The following HOMER1 variants were observed in gnomAD, a reference collection of about 807,000 sequenced individuals.
HOMER1 encodes the protein homer protein homolog 1.
A neutral mutation model predicts 48.9 loss-of-function variants in HOMER1; 3 were observed. The ratio of observed to expected loss-of-function variants is 0.06; its 90% confidence interval spans 0.03 to 0.16. The LOEUF (loss-of-function observed/expected upper bound fraction) is 0.16, where lower values mean the gene tolerates loss of function less well. Ranked by LOEUF, HOMER1 falls within the 10% of genes least tolerant of loss-of-function variation. The probability of loss-of-function intolerance (pLI) is 1.00; values close to 1 mark genes in which losing one functional copy is unlikely to be tolerated. For synonymous variants in HOMER1, 134 were observed against 146.4 expected (o/e 0.92, Z 0.61); for missense variants, 247 against 411.4 (o/e 0.60, Z 3.46).
chr5:79,497,631 C>T (rs529143430), intron 1 of HOMER1, among the ~76,000 whole-genome samples: 1 of 149,346 alleles, frequency 6.7e-6, no homozygotes, highest in Non-Finnish European at 1.5e-5. Context: ...TGTACTGCAG[C>T]CCAGGAGACA....
chr5:79,501,634 A>T (rs943104374), intron 1 of HOMER1, among the ~76,000 whole-genome samples: 2 of 152,244 alleles, frequency 1.3e-5, no homozygotes, highest in African/African-American at 2.4e-5. Flanking sequence ...AAGTCGTTGT[A>T]AACTACTATA....
chr5:79,487,271 C>A (rs1752134215), intron 1 of HOMER1, among the ~76,000 whole-genome samples: 1 of 151,778 alleles, frequency 6.6e-6, no homozygotes, highest in Non-Finnish European at 1.5e-5. Flanking sequence ...GAGTGAAACT[C>A]CATCTCAAAA....
chr5:79,405,980 T>A (rs912276270), intron 5 of HOMER1, among the ~76,000 whole-genome samples: 6 of 152,192 alleles, frequency 3.9e-5, no homozygotes, highest in African/African-American at 1.4e-4. Context: ...TAAAACACTG[T>A]AGACCTGGAA....
chr5:79,495,247 A>G (rs1254478645), intron 1 of HOMER1, among the ~76,000 whole-genome samples: 3 of 152,060 alleles, frequency 2.0e-5, no homozygotes, highest in Non-Finnish European at 2.9e-5. Context: ...TTCTAGTCAC[A>G]TCTCCCTTAA....
chr5:79,421,609 CTTT>C (rs548883268), intron 5 of HOMER1, among the ~76,000 whole-genome samples: 1 of 142,972 alleles, frequency 7.0e-6, no homozygotes. Flanking sequence ...TGTTATTTTT[CTTT>C]TTTTTTTTTT....
intron 1 of HOMER1, among the ~76,000 whole-genome samples, chr5:79,487,567 G>C (rs1297335649): frequency 1.3e-5 from 2 of 152,090 alleles, no homozygotes; most frequent in African/African-American, 4.8e-5. Context: ...GCCAAATAAA[G>C]ATTGTGAAAA....
chr5:79,493,183 G>A (rs1157019550), intron 1 of HOMER1, among the ~76,000 whole-genome samples: 1 of 152,108 alleles, frequency 6.6e-6, no homozygotes. Context: ...CTCCCAAAGT[G>A]CTGGGATTAC....
chr5:79,440,000 G>A (rs1414912369), intron 4 of HOMER1, among the ~76,000 whole-genome samples: 1 of 152,092 alleles, frequency 6.6e-6, no homozygotes, highest in Non-Finnish European at 1.5e-5. Context: ...AAACCAGACT[G>A]TTAAAGAGCA....
At chr5:79,377,258 G>C (rs550396638) in intron 8 of HOMER1, among the ~76,000 whole-genome samples, 2 of 152,030 alleles carry the variant, frequency 1.3e-5, no homozygotes, top group South Asian at 2.1e-4. Flanking sequence ...GAGCCACCCC[G>C]CCTGGCCTAT....
At position 79,398,597 on chromosome 5, in the gene HOMER1, T is replaced by C. The variant is rs1403647181; in HGVS notation, c.685-960A>G. On this transcript the variant is annotated intron_variant, in intron 6 of 8. Transcript: ENST00000334082. The stretch of plus-strand genomic sequence containing the variant: ...ACCAACAGCCTCCCAGTGGACTTAA[T>C]TATAATCTTTTTTTTGTCTATTCTG... 2.0e-5 allele frequency among the ~76,000 whole-genome samples: 3 copies of C among 152,142 alleles called. No homozygotes were observed. The East Asian group carries it at 5.8e-4, about 29-fold the overall frequency.
Position 79,499,969 on chromosome 5 carries a change from T to C in HOMER1, c.5+12801A>G, listed in dbSNP as rs148601650. Among the ~76,000 whole-genome samples, 32 of 152,218 alleles carry C rather than the reference T, an allele frequency of 2.1e-4. 1 individual carries two copies. The East Asian group carries it at 6.0e-3, about 28-fold the overall frequency. ...CGAGACCCATATGAAGTGCCACTAGTGATGCTGGAAGTGCTCCCAAGAAGC... is the reference window on the plus strand; with the variant it reads ...CGAGACCCATATGAAGTGCCACTAGCGATGCTGGAAGTGCTCCCAAGAAGC... On this transcript the variant is annotated intron_variant, in intron 1 of 8. Coordinates refer to ENST00000334082, the MANE Select transcript of HOMER1 (RefSeq NM_004272.5).
Position 79,375,054 on chromosome 5 carries a change from T to G in HOMER1, c.*955A>C, listed in dbSNP as rs1232457850. ...TTATCTATAATAAACAGTTCCCCAA[T>G]AACCATTATTATTCGTAAATTGAAA... is the stretch of plus-strand genomic sequence containing the variant. On this transcript the variant is annotated 3_prime_UTR_variant, in exon 9 of 9. Coordinates refer to ENST00000334082, the MANE Select transcript of HOMER1 (RefSeq NM_004272.5). 6.6e-6 allele frequency: 1 copy of G among 152,062 alleles called. No homozygotes were observed. The highest frequency in any genetic ancestry group is 1.5e-5 in the Non-Finnish European group (1 of 67,934). The allele number at this position is 152,062 out of a possible 1,614,324, so 9.4% of individuals were successfully genotyped here.
At chr5:79,501,371 T>C (rs1309865446) in intron 1 of HOMER1, among the ~76,000 whole-genome samples, 1 of 152,228 alleles carries the variant, frequency 6.6e-6, no homozygotes, top group Admixed American at 6.5e-5. Flanking sequence ...CAACTGTTTA[T>C]GTTATTGATA....
rs1751199082 is a variant in HOMER1, at chr5:79,457,225, G to A, written c.6-207C>T. On this transcript the variant is annotated intron_variant, in intron 1 of 8. Transcript: ENST00000334082. ...ATAGTCAATCCTCATTATTTGAAGA[G>A]TCTGTACATGTGAATTCACCTACTC... Among the ~76,000 whole-genome samples the A allele has an allele frequency of 3.3e-5, 5 of 152,196 alleles. No homozygotes were observed. The South Asian group carries it at 8.3e-4, about 25-fold the overall frequency.
chr5:79,433,468 T>C (rs2112266964), intron 5 of HOMER1, among the ~76,000 whole-genome samples: 1 of 152,182 alleles, frequency 6.6e-6, no homozygotes, highest in South Asian at 2.1e-4. Flanking sequence ...CCTGGGAGGC[T>C]GAGACAGGAG....
chr5:79,500,953 G>GAC (rs1554063974), intron 1 of HOMER1, among the ~76,000 whole-genome samples: 1 of 113,758 alleles, frequency 8.8e-6, no homozygotes, highest in African/African-American at 3.5e-5. Context: ...GTGTGTGTGT[G>GAC]AGACAGACAG....
At chr5:79,476,008 G>T (rs1204608766) in intron 1 of HOMER1, among the ~76,000 whole-genome samples, 1 of 152,090 alleles carries the variant, frequency 6.6e-6, no homozygotes, top group Non-Finnish European at 1.5e-5. Context: ...CACTTACTCT[G>T]GATGCTAGTA....
chr5:79,474,825 T>TA (rs1485434172), intron 1 of HOMER1, among the ~76,000 whole-genome samples: 1 of 152,202 alleles, frequency 6.6e-6, no homozygotes, highest in African/African-American at 2.4e-5. Flanking sequence ...TTCAAATTGA[T>TA]AGAGTCAAAA....
chr5:79,400,723 A>T (rs1330684895), intron 6 of HOMER1, among the ~76,000 whole-genome samples: 4 of 60,108 alleles, frequency 6.7e-5, no homozygotes, highest in Admixed American at 1.7e-4. Context: ...GCCTTGAATT[A>T]AAAAAAAAAA....
Sources: gnomAD v4.1 joint callset for allele counts (sites outside exome capture counted in the v4.1 genomes callset) on GRCh38, gnomAD v4.1.1 for gene constraint, MANE v1.5 for transcripts, NCBI Gene and HGNC (gene_info 2026-07-23, HGNC 2026-07-21) for gene names.